MARCHF11: variants seen among roughly 807,000 people sequenced by gnomAD.
The protein encoded by MARCHF11 is membrane associated ring-CH-type finger 11, also known as E3 ubiquitin-protein ligase MARCHF11.
A neutral mutation model predicts 37.3 loss-of-function variants in MARCHF11; 29 were observed. The observed-to-expected ratio is 0.78, with a 90% CI of 0.58 to 1.06. The LOEUF (loss-of-function observed/expected upper bound fraction) is 1.06, where lower values mean the gene tolerates loss of function less well. Ranked by LOEUF, MARCHF11 falls within the 50% of genes least tolerant of loss-of-function variation. MARCHF11 has a pLI of 0.00. For missense variants in MARCHF11, 482 were observed against 533.4 expected (o/e 0.90, Z 0.95); for synonymous variants, 233 against 228.0 (o/e 1.02, Z -0.20).
At chr5:16,130,465 G>A (rs1737499048) in intron 2 of MARCHF11, among the ~76,000 whole-genome samples, 2 of 152,034 alleles carry the variant, frequency 1.3e-5, no homozygotes, top group Admixed American at 1.3e-4. Context: ...TTGTTGTTTT[G>A]TGCACTTCTG....
At chr5:16,160,686 T>C (rs949769005) in intron 2 of MARCHF11, among the ~76,000 whole-genome samples, 5 of 151,682 alleles carry the variant, frequency 3.3e-5, no homozygotes, top group African/African-American at 1.2e-4. Context: ...ATAAAGAAAA[T>C]GGAAAATGAT....
chr5:16,133,074 A>AT (rs11361544), intron 2 of MARCHF11, among the ~76,000 whole-genome samples: 9 of 151,538 alleles, frequency 5.9e-5, no homozygotes, highest in South Asian at 2.1e-4. Flanking sequence ...TCCTAAAATG[A>AT]TTTTTTTTTA....
At position 16,117,314 on chromosome 5, in the gene MARCHF11, G is replaced by A. The variant is rs533660631; in HGVS notation, c.694-26233C>T. 2.6e-5 allele frequency among the ~76,000 whole-genome samples: 4 copies of A among 152,280 alleles called. No homozygotes were observed. In the South Asian group the frequency reaches 6.2e-4, roughly 24 times the overall value. On this transcript the variant is annotated intron_variant, in intron 2 of 3. Coordinates refer to ENST00000332432, the MANE Select transcript of MARCHF11 (RefSeq NM_001102562.3). ...TAATAGGGTTCATTTGGGATGCTGTGAATTATTCATTCTTATCTATCCATT... is the reference window on the plus strand; with the variant it reads ...TAATAGGGTTCATTTGGGATGCTGTAAATTATTCATTCTTATCTATCCATT...
chr5:16,155,160 A>G (rs344731), intron 2 of MARCHF11, among the ~76,000 whole-genome samples: 151,527 of 151,974 alleles, frequency 1, 75,541 homozygotes, highest in Middle Eastern at 1. Context: ...AGAGCCATAC[A>G]CACTAACTAC....
chr5:16,073,327 T>C (rs1736467493), intron 3 of MARCHF11, among the ~76,000 whole-genome samples: 6 of 152,170 alleles, frequency 3.9e-5, no homozygotes, highest in Admixed American at 3.9e-4. Context: ...TAGAATATAA[T>C]ACAATGCATG....
chr5:16,079,319 CT>C (rs1380598234), intron 3 of MARCHF11, among the ~76,000 whole-genome samples: 4 of 152,206 alleles, frequency 2.6e-5, no homozygotes, highest in Non-Finnish European at 5.9e-5. Context: ...CTCCTAAAGA[CT>C]TTGAGGCCCT....
intron 2 of MARCHF11, among the ~76,000 whole-genome samples, chr5:16,137,573 T>G (rs750179597): frequency 3.3e-5 from 5 of 152,216 alleles, no homozygotes; most frequent in African/African-American, 4.8e-5. Context: ...GCTATTAAGA[T>G]ACCCAAAAAT....
At chr5:16,106,746 A>T (rs1252743227) in intron 2 of MARCHF11, among the ~76,000 whole-genome samples, 1 of 152,196 alleles carries the variant, frequency 6.6e-6, no homozygotes, top group Non-Finnish European at 1.5e-5. Context: ...GGTAGAGGCT[A>T]GGGATGCTGA....
chr5:16,085,197 A>T (rs926772771), intron 3 of MARCHF11, among the ~76,000 whole-genome samples: 3 of 151,802 alleles, frequency 2.0e-5, no homozygotes, highest in African/African-American at 7.3e-5. Context: ...CGTTAAAATT[A>T]TAATAGATTT....
intron 2 of MARCHF11, among the ~76,000 whole-genome samples, chr5:16,172,409 TTTAG>T (rs1738284907): frequency 6.6e-6 from 1 of 152,190 alleles, no homozygotes; most frequent in African/African-American, 2.4e-5. Flanking sequence ...AGCATTGTTT[TTTAG>T]TTATTCAGCC....
intron 2 of MARCHF11, among the ~76,000 whole-genome samples, chr5:16,144,135 T>C (rs1195101569): frequency 6.6e-6 from 1 of 152,196 alleles, no homozygotes; most frequent in African/African-American, 2.4e-5. Context: ...CACAGATTTT[T>C]GAAATAAGGA....
At chr5:16,175,296 C>G (rs908492059) in intron 2 of MARCHF11, among the ~76,000 whole-genome samples, 2 of 152,334 alleles carry the variant, frequency 1.3e-5, no homozygotes, top group East Asian at 1.9e-4. Context: ...TATTATGCAA[C>G]AGTAGACAGT....
At chr5:16,168,490 G>A (rs1350164964) in intron 2 of MARCHF11, among the ~76,000 whole-genome samples, 1 of 152,110 alleles carries the variant, frequency 6.6e-6, no homozygotes, top group Non-Finnish European at 1.5e-5. Flanking sequence ...TAGAAGCGAT[G>A]GTAGTATGAC....
At chr5:16,152,776 C>A (rs1737909476) in intron 2 of MARCHF11, among the ~76,000 whole-genome samples, 1 of 151,988 alleles carries the variant, frequency 6.6e-6, no homozygotes, top group Non-Finnish European at 1.5e-5. Context: ...TGTTATCTCA[C>A]CACCTGCAGC....
At chr5:16,102,290 A>G (rs1235347035) in intron 2 of MARCHF11, among the ~76,000 whole-genome samples, 1 of 152,202 alleles carries the variant, frequency 6.6e-6, no homozygotes, top group East Asian at 1.9e-4. Flanking sequence ...GTCACACTGT[A>G]AGATGACACT....
chr5:16,151,649 ATGTGTGTGTGTGTG>A (rs58891017), intron 2 of MARCHF11, among the ~76,000 whole-genome samples: 28 of 131,496 alleles, frequency 2.1e-4, no homozygotes, highest in African/African-American at 7.5e-4. Context: ...CGTGAGTTGA[ATGTGTGTGTGTGTG>A]TGTGTGTGTG....
intron 2 of MARCHF11, among the ~76,000 whole-genome samples, chr5:16,167,881 A>G (rs1474779864): frequency 6.6e-6 from 1 of 152,134 alleles, no homozygotes; most frequent in East Asian, 1.9e-4. Flanking sequence ...AAATGAAAAA[A>G]GAATGAGAAA....
intron 3 of MARCHF11, among the ~76,000 whole-genome samples, chr5:16,089,110 A>G (rs1736748752): frequency 6.6e-6 from 1 of 152,002 alleles, no homozygotes; most frequent in African/African-American, 2.4e-5. Flanking sequence ...AAAAAAAAAA[A>G]TCATTTCCTG....
At chr5:16,158,932 G>T (rs948695238) in intron 2 of MARCHF11, among the ~76,000 whole-genome samples, 1 of 151,718 alleles carries the variant, frequency 6.6e-6, no homozygotes, top group Non-Finnish European at 1.5e-5. Context: ...ACAATGTATT[G>T]CATTCTTGAA....
Sources: allele counts gnomAD v4.1 joint callset (sites outside exome capture counted in the v4.1 genomes callset), GRCh38; gene constraint gnomAD v4.1.1; transcripts MANE v1.5; gene names NCBI Gene and HGNC (gene_info 2026-07-23, HGNC 2026-07-21).